The following ABL1 variants were observed in gnomAD, a reference collection of about 807,000 sequenced individuals.
ABL1 encodes the protein tyrosine-protein kinase ABL1.
ABL1 carries 11 observed loss-of-function variants against 94.7 expected under a neutral mutation model. The observed-to-expected ratio is 0.12, with a 90% CI of 0.07 to 0.19. ABL1 has a LOEUF of 0.19. Ranked by LOEUF, ABL1 falls within the 10% of genes least tolerant of loss-of-function variation. The pLI, the probability that ABL1 is intolerant of heterozygous loss-of-function variation, is 1.00. For synonymous variants in ABL1, 656 were observed against 622.4 expected (o/e 1.05, Z -0.80); for missense variants, 1,082 against 1,489.4 (o/e 0.73, Z 4.50).
At chr9:130,865,269 T>C (rs1436842629) in intron 4 of ABL1, among the ~76,000 whole-genome samples, 1 of 152,182 alleles carries the variant, frequency 6.6e-6, no homozygotes, top group African/African-American at 2.4e-5. Context: ...CCCGGAGTGG[T>C]ATCTAATTAG....
chr9:130,795,071 G>A (rs912014060), intron 1 of ABL1, among the ~76,000 whole-genome samples: 1 of 152,294 alleles, frequency 6.6e-6, no homozygotes, highest in East Asian at 1.9e-4. Context: ...TGACTGGTAT[G>A]GAGGCCTAAA....
intron 1 of ABL1, among the ~76,000 whole-genome samples, chr9:130,849,903 G>T (rs994776873): frequency 1.3e-5 from 2 of 152,104 alleles, no homozygotes; most frequent in Non-Finnish European, 1.5e-5. Context: ...TCTTTTTCTT[G>T]TTGGTATGTA....
intron 1 of ABL1, among the ~76,000 whole-genome samples, chr9:130,764,753 C>T (rs945480588): frequency 6.6e-6 from 1 of 151,974 alleles, no homozygotes; most frequent in Non-Finnish European, 1.5e-5. Context: ...GTCAGGAGTT[C>T]GAGATCAGCC....
intron 1 of ABL1, among the ~76,000 whole-genome samples, chr9:130,842,828 C>T (rs1401072503): frequency 1.3e-5 from 2 of 152,230 alleles, no homozygotes; most frequent in African/African-American, 2.4e-5. Context: ...TCTGGATCTG[C>T]GGCCACTGCA....
intron 3 of ABL1, among the ~76,000 whole-genome samples, chr9:130,859,926 T>G (rs922538745): frequency 3.9e-5 from 6 of 151,956 alleles, no homozygotes; most frequent in South Asian, 2.1e-4. Flanking sequence ...TGATCTGCCC[T>G]CCTTGGCCTC....
intron 1 of ABL1, among the ~76,000 whole-genome samples, chr9:130,749,382 G>T (rs1170207985): frequency 6.6e-6 from 1 of 152,164 alleles, no homozygotes; most frequent in Non-Finnish European, 1.5e-5. Flanking sequence ...AAATTGTAAA[G>T]CCCGTTATTT....
chr9:130,762,840 G>T (rs1832133162), intron 1 of ABL1, among the ~76,000 whole-genome samples: 1 of 151,632 alleles, frequency 6.6e-6, no homozygotes, highest in Non-Finnish European at 1.5e-5. Context: ...GAACCCGGGA[G>T]GTGCAGCTTT....
intron 1 of ABL1, among the ~76,000 whole-genome samples, chr9:130,744,229 G>A (rs1238624188): frequency 6.6e-6 from 1 of 151,646 alleles, no homozygotes; most frequent in African/African-American, 2.4e-5. Flanking sequence ...TGCAACCTCT[G>A]CCTCCCGGGT....
chr9:130,848,345 GAAAAAAA>G (rs34112720), intron 1 of ABL1, among the ~76,000 whole-genome samples: 2 of 69,732 alleles, frequency 2.9e-5, no homozygotes, highest in Non-Finnish European at 2.8e-5. Flanking sequence ...TACTGAAAAT[GAAAAAAA>G]AAAAAAAAAA....
intron 1 of ABL1, among the ~76,000 whole-genome samples, chr9:130,764,364 A>G (rs1395495205): frequency 6.6e-6 from 1 of 152,098 alleles, no homozygotes; most frequent in Non-Finnish European, 1.5e-5. Context: ...TGCTGGAGGG[A>G]ACTAGCTCTG....
At chr9:130,778,748 T>C (rs1184548134) in intron 1 of ABL1, among the ~76,000 whole-genome samples, 1 of 151,750 alleles carries the variant, frequency 6.6e-6, no homozygotes, top group African/African-American at 2.4e-5. Flanking sequence ...TTTTACTCCT[T>C]GGCTGTAATT....
rs554769517 is a variant in ABL1 at position 130,863,282 on chromosome 9, A to G, written c.822+247A>G. Among the ~76,000 whole-genome samples, 4 of 152,262 alleles carry G rather than the reference A, an allele frequency of 2.6e-5. No homozygotes were observed. The highest frequency in any genetic ancestry group is 9.6e-5 in the African/African-American group (4 of 41,542). On this transcript the variant is annotated intron_variant, in intron 4 of 10. Coordinates refer to ENST00000318560, the MANE Select transcript of ABL1 (RefSeq NM_005157.6). The surrounding 1 kb of genome is among the most constrained non-coding windows in gnomAD (Gnocchi z 4.3). ...CATGGAGGGGTTTTGGTGTAAAAAG[A>G]TTAGTCATTTGGAGAGGTTTTCTCA...
rs1341670307 is a variant in ABL1 at position 130,854,045 on chromosome 9, T to C, written c.80-19T>C. The C allele has an allele frequency of 1.3e-6, 2 of 1,569,834 alleles. No individual in the cohort carries two copies. Among genetic ancestry groups the C allele is most frequent in the African/African-American group, 1.4e-5 (1 of 72,760 alleles). The stretch of plus-strand genomic sequence containing the variant: ...TTCTCTTCCTTTTTCTTTTTTCTGT[T>C]CCCCCCTTTCTCTTCCAGAAGCCCT... On this transcript the variant is annotated intron_variant, in intron 1 of 10. Coordinates refer to ENST00000318560, the MANE Select transcript of ABL1 (RefSeq NM_005157.6).
chr9:130,864,182 G>A (rs909066768), intron 4 of ABL1, among the ~76,000 whole-genome samples: 4 of 152,214 alleles, frequency 2.6e-5, no homozygotes, highest in Non-Finnish European at 5.9e-5. Context: ...AGGCAGGACT[G>A]GCACTGGGGT....
chr9:130,807,615 TTAAA>T (rs751665728), intron 1 of ABL1, among the ~76,000 whole-genome samples: 1 of 149,942 alleles, frequency 6.7e-6, no homozygotes, highest in Non-Finnish European at 1.5e-5. Flanking sequence ...TATTATAAGT[TTAAA>T]TAGTTGTAAA....
chr9:130,727,632 G>T (rs1171360328), intron 1 of ABL1, among the ~76,000 whole-genome samples: 1 of 151,554 alleles, frequency 6.6e-6, no homozygotes, highest in African/African-American at 2.4e-5. Context: ...CTTGGTGGCA[G>T]CTGCCTATAG....
intron 3 of ABL1, among the ~76,000 whole-genome samples, chr9:130,860,744 T>G (rs755067642): frequency 2.6e-5 from 4 of 152,152 alleles, no homozygotes; most frequent in Non-Finnish European, 5.9e-5. Context: ...TCTAGAGTCC[T>G]TGGTAGGGAG....
chr9:130,740,065 A>C (rs1461399339), intron 1 of ABL1, among the ~76,000 whole-genome samples: 3 of 152,232 alleles, frequency 2.0e-5, no homozygotes, highest in Non-Finnish European at 4.4e-5. Context: ...TATTATGTTA[A>C]TATTAAATGT....
intron 1 of ABL1, among the ~76,000 whole-genome samples, chr9:130,735,961 A>ATATATATATATATATATTTTTTTTTTT (rs573602038): frequency 1.1e-5 from 1 of 94,886 alleles, no homozygotes; most frequent in African/African-American, 6.4e-5. Flanking sequence ...ATATATATAT[A>ATATATATATATATATATTTTTTTTTTT]TTTTTTTTTT....
Sources: gnomAD v4.1 joint callset for allele counts (sites outside exome capture counted in the v4.1 genomes callset) on GRCh38, gnomAD v4.1.1 for gene constraint, Gnocchi (gnomAD v3.1) non-coding constraint, MANE v1.5 for transcripts, NCBI Gene and HGNC (gene_info 2026-07-23, HGNC 2026-07-21) for gene names.